PCDHGA4: variants seen among roughly 807,000 people sequenced by gnomAD.
PCDHGA4 encodes the protein protocadherin gamma subfamily A, 4.
Under a neutral mutation model 54.6 loss-of-function variants are expected in PCDHGA4, and 38 were observed. That is an observed-to-expected ratio of 0.70 (90% CI 0.54 to 0.91). The LOEUF (loss-of-function observed/expected upper bound fraction) is 0.91. Ranked by LOEUF, PCDHGA4 falls within the 40% of genes least tolerant of loss-of-function variation. The pLI is 0.00. For missense variants in PCDHGA4, 1,298 were observed against 1,220.9 expected (o/e 1.06, Z -0.94); for synonymous variants, 511 against 512.9 (o/e 1.00, Z 0.05).
Position 141,511,703 on chromosome 5 carries a change from T to G in PCDHGA4, c.*530T>G, listed in dbSNP as rs148447880. On this transcript the variant is annotated 3_prime_UTR_variant, in exon 4 of 4. Coordinates refer to ENST00000571252, the MANE Select transcript of PCDHGA4 (RefSeq NM_018917.4). ...AAAGCATGGTTTGGTGCCAGCCCCT[T>G]CACCTCCTTCCAGAGCCCAAGATCA... The G allele has an allele frequency of 1.1e-4, 21 of 189,942 alleles. No homozygotes were observed. In the East Asian group the frequency reaches 2.4e-3, roughly 22 times the overall value. 11.8% of individuals were successfully genotyped at this position (189,942 alleles called of 1,614,324 possible).
chr5:141,420,176 C>CA (rs1162032152), intron 1 of PCDHGA4: 5 of 1,613,874 alleles, frequency 3.1e-6, no homozygotes, highest in Non-Finnish European at 4.2e-6. Flanking sequence ...ATCTGTTGAT[C>CA]ATTGTCCAGC....
At chr5:141,419,471 G>A in intron 1 of PCDHGA4, 1 of 1,612,462 alleles carries the variant, frequency 6.2e-7, no homozygotes, top group Non-Finnish European at 8.5e-7. Context: ...CCGCGACCAG[G>A]GCTCGCCCGC....
rs375879976 is a variant in PCDHGA4 at position 141,376,437 on chromosome 5, A to G, written c.2514+18816A>G. 2.7e-4 allele frequency: 434 copies of G among 1,614,084 alleles called. No homozygotes were observed. The highest frequency in any genetic ancestry group is 3.3e-4 in the Non-Finnish European group (388 of 1,180,040). ...GACACGCTTATCAACCAGGAGAGCT[A>G]TGAGAAAAGCGAGCCTCTTCTGATA... On this transcript the variant is annotated intron_variant, in intron 1 of 3. Coordinates refer to ENST00000571252, the MANE Select transcript of PCDHGA4 (RefSeq NM_018917.4).
chr5:141,469,510 G>T (rs1022804863), intron 1 of PCDHGA4, among the ~76,000 whole-genome samples: 3 of 152,118 alleles, frequency 2.0e-5, no homozygotes, highest in African/African-American at 7.2e-5. Context: ...GGGAGGTGGA[G>T]GTTGCAGTGA....
chr5:141,487,459 T>A lies in PCDHGA4; in HGVS notation c.2515-7348T>A. The A allele has an allele frequency of 1.2e-6, 2 of 1,614,102 alleles. No homozygotes were observed. Among genetic ancestry groups the A allele is most frequent in the Non-Finnish European group, 1.7e-6 (2 of 1,180,008 alleles). On this transcript the variant is annotated intron_variant, in intron 1 of 3. Transcript: ENST00000571252. The surrounding 1 kb of genome is among the most constrained non-coding windows in gnomAD (Gnocchi z 5.0). ...TAGGGTCAGATGACCCTATCAAGTT[T>A]GTTGATGTGGGAGGCCACTCTCATG...
At chr5:141,418,755 G>A (rs1489556538) in intron 1 of PCDHGA4, 8 of 1,613,898 alleles carry the variant, frequency 5.0e-6, no homozygotes, top group South Asian at 1.1e-5. Context: ...TACACTACAG[G>A]AAACATTCTA....
chr5:141,457,054 T>C (rs1410535170), intron 1 of PCDHGA4, among the ~76,000 whole-genome samples: 1 of 152,242 alleles, frequency 6.6e-6, no homozygotes, highest in Non-Finnish European at 1.5e-5. Context: ...ACTTTCATGC[T>C]TCCTTTTTGC....
At chr5:141,445,782 G>A (rs530081823) in intron 1 of PCDHGA4, among the ~76,000 whole-genome samples, 1 of 152,310 alleles carries the variant, frequency 6.6e-6, no homozygotes, top group East Asian at 1.9e-4. Flanking sequence ...AAGGGCTAGG[G>A]AGGCTAGAAA....
At chr5:141,421,894 C>T (rs764642401) in intron 1 of PCDHGA4, 6 of 1,613,586 alleles carry the variant, frequency 3.7e-6, no homozygotes, top group Non-Finnish European at 4.2e-6. Flanking sequence ...CGATCCCATC[C>T]GAAAGGGCGC....
chr5:141,376,263 C>T (rs1348716434), intron 1 of PCDHGA4: 1 of 1,614,226 alleles, frequency 6.2e-7, no homozygotes, highest in South Asian at 1.1e-5. Flanking sequence ...CTGCTGCAGG[C>T]TTCGGGAGGT....
intron 1 of PCDHGA4, chr5:141,378,642 C>T (rs780445527): frequency 5.9e-5 from 9 of 152,098 alleles, no homozygotes; most frequent in Non-Finnish European, 1.3e-4. Context: ...AATGGGAGAA[C>T]AAATGTTAAT....
rs1289333371 is a variant in PCDHGA4, at chr5:141,460,404, G to C, written c.2515-34403G>C. Among the ~76,000 whole-genome samples, 21 of 152,038 alleles carry C rather than the reference G, an allele frequency of 1.4e-4. 1 individual carries two copies. The highest frequency in any genetic ancestry group is 1.4e-3 in the Admixed American group (21 of 15,256). Reference sequence around the variant, plus strand: ...TATAATTTGGTCTATGAATCCTTTTGAGTTGATGTTTATGTATGGTGTATG... The same window carrying C: ...TATAATTTGGTCTATGAATCCTTTTCAGTTGATGTTTATGTATGGTGTATG... On this transcript the variant is annotated intron_variant, in intron 1 of 3. Transcript: ENST00000571252.
intron 1 of PCDHGA4, chr5:141,382,631 T>G: frequency 2.7e-6 from 1 of 365,186 alleles, no homozygotes; most frequent in South Asian, 9.0e-5. Flanking sequence ...TGTGCATCAA[T>G]GTGGTGCAGT....
chr5:141,466,573 C>T (rs2099125317), intron 1 of PCDHGA4, among the ~76,000 whole-genome samples: 1 of 152,104 alleles, frequency 6.6e-6, no homozygotes, highest in South Asian at 2.1e-4. Context: ...TCAACATTGT[C>T]TCATCCCTTC....
In PCDHGA4 at chr5:141,421,238, G is replaced by C. The variant is rs920128735; in HGVS notation, c.2514+63617G>C. 3.1e-6 allele frequency: 5 copies of C among 1,597,422 alleles called. No individual in the cohort carries two copies. Among genetic ancestry groups the C allele is most frequent in the African/African-American group, 2.7e-5 (2 of 74,378 alleles). ...GGCTTAGAGCCTGCCATGGCGAATC[G>C]GCTACAGCGCGGGGACCGCAGTCGG... On this transcript the variant is annotated intron_variant, in intron 1 of 3. Transcript: ENST00000571252.
rs2093886414 is a variant in PCDHGA4 at position 141,399,784 on chromosome 5, G to C, written c.2514+42163G>C. On this transcript the variant is annotated intron_variant, in intron 1 of 3. Transcript: ENST00000571252. ...GCGCGTGTTGGTGGGCGACCGAAAC[G>C]ACAACGCACCGCGGGTGCTGTACCC... The C allele has an allele frequency of 2.5e-6, 4 of 1,613,288 alleles. No homozygotes were observed. The East Asian group carries it at 6.7e-5, about 27-fold the overall frequency.
chr5:141,491,616 C>T lies in PCDHGA4; in HGVS notation c.2515-3191C>T. 1 of 1,613,944 alleles carries T rather than the reference C, an allele frequency of 6.2e-7. No homozygotes were observed. Among genetic ancestry groups the T allele is most frequent in the South Asian group, 1.1e-5 (1 of 91,082 alleles). On this transcript the variant is annotated intron_variant, in intron 1 of 3. Coordinates refer to ENST00000571252, the MANE Select transcript of PCDHGA4 (RefSeq NM_018917.4). The surrounding 1 kb of genome is among the most constrained non-coding windows in gnomAD (Gnocchi z 6.9). ...GCAGTGACTTCACTTTTCTAAGACC[C>T]CTCAGCGTTCAGCAGCCCACAGCTC...
intron 1 of PCDHGA4, chr5:141,394,156 AC>A (rs2092929687): frequency 6.2e-7 from 1 of 1,613,556 alleles, no homozygotes; most frequent in Admixed American, 1.7e-5. Flanking sequence ...ATTAACGACA[AC>A]CCTCCTACTT....
At chr5:141,365,004 C>T (rs746525916) in intron 1 of PCDHGA4, 10 of 1,613,936 alleles carry the variant, frequency 6.2e-6, no homozygotes, top group South Asian at 4.4e-5. Flanking sequence ...CTCTCCGGCA[C>T]CACGCACATC....
Sources: gnomAD v4.1 joint callset for allele counts (sites outside exome capture counted in the v4.1 genomes callset) on GRCh38, gnomAD v4.1.1 for gene constraint, Gnocchi (gnomAD v3.1) non-coding constraint, MANE v1.5 for transcripts, NCBI Gene and HGNC (gene_info 2026-07-23, HGNC 2026-07-21) for gene names.